RANBP3L: variants seen among roughly 807,000 people sequenced by gnomAD.
The protein encoded by RANBP3L is RAN binding protein 3 like, also known as ran-binding protein 3-like.
In RANBP3L, 56 loss-of-function variants were observed where a neutral mutation model predicts 67.2. The observed-to-expected ratio is 0.83, with a 90% CI of 0.67 to 1.04. The LOEUF (loss-of-function observed/expected upper bound fraction) is 1.04, where lower values mean the gene tolerates loss of function less well. RANBP3L is among the 50% of genes least tolerant of loss of function. The pLI is 0.00. For missense variants in RANBP3L, 496 were observed against 535.5 expected (o/e 0.93, Z 0.73); for synonymous variants, 164 against 181.4 (o/e 0.90, Z 0.77).
chr5:36,248,291 A>G lies in RANBP3L; in HGVS notation c.*1363T>C, dbSNP rs752855561. The G allele has an allele frequency of 6.6e-6, 1 of 152,176 alleles. No individual in the cohort carries two copies. The highest frequency in any genetic ancestry group is 1.5e-5 in the Non-Finnish European group (1 of 68,026). 9.4% of individuals were successfully genotyped at this position (152,176 alleles called of 1,614,324 possible). On this transcript the variant is annotated 3_prime_UTR_variant, in exon 14 of 14. Transcript: ENST00000296604. ...TATTTCTTCTAGAATCACTGGAAGAATGAATGGGCCTCTCTTAGTAGTTAT... is the reference window on the plus strand; with the variant it reads ...TATTTCTTCTAGAATCACTGGAAGAGTGAATGGGCCTCTCTTAGTAGTTAT...
intron 1 of RANBP3L, among the ~76,000 whole-genome samples, chr5:36,294,979 TAC>T (rs939305628): frequency 2.7e-5 from 4 of 150,648 alleles, no homozygotes; most frequent in African/African-American, 9.7e-5. Context: ...TACATATATA[TAC>T]ACACACATAT....
intron 1 of RANBP3L, among the ~76,000 whole-genome samples, chr5:36,299,653 T>C (rs1475562671): frequency 1.3e-5 from 2 of 152,126 alleles, no homozygotes; most frequent in Non-Finnish European, 2.9e-5. Flanking sequence ...AGTGCAAAGA[T>C]CTATTCATTA....
At chr5:36,283,575 T>C (rs980522964) in intron 1 of RANBP3L, among the ~76,000 whole-genome samples, 17 of 113,750 alleles carry the variant, frequency 1.5e-4, no homozygotes, top group African/African-American at 5.6e-4. Context: ...CACACACACA[T>C]CTTTATCTGC....
Position 36,276,170 on chromosome 5 carries a change from C to A in RANBP3L, c.92-4859G>T, listed in dbSNP as rs536755109. Among the ~76,000 whole-genome samples the A allele has an allele frequency of 3.3e-5, 5 of 152,246 alleles. No homozygotes were observed. In the South Asian group the frequency reaches 8.3e-4, roughly 25 times the overall value. On this transcript the variant is annotated intron_variant, in intron 1 of 13. Coordinates refer to ENST00000296604, the MANE Select transcript of RANBP3L (RefSeq NM_145000.5). ...GGAGTCACTGAGTTCAGAAAGCAAT[C>A]AAAACTTCCCCAGAATAACTGAAGA...
At chr5:36,283,393 A>G (rs2112030516) in intron 1 of RANBP3L, among the ~76,000 whole-genome samples, 1 of 88,076 alleles carries the variant, frequency 1.1e-5, no homozygotes, top group East Asian at 2.3e-4. Context: ...CAAAATGAAA[A>G]ATGTTACAAA....
intron 1 of RANBP3L, among the ~76,000 whole-genome samples, chr5:36,283,665 C>A (rs1418883612): frequency 1.3e-5 from 2 of 152,072 alleles, no homozygotes; most frequent in Non-Finnish European, 2.9e-5. Flanking sequence ...CATTCACAGA[C>A]TTTCCTCTTT....
At position 36,265,477 on chromosome 5, in the gene RANBP3L, A is replaced by G. The variant is rs952583610; in HGVS notation, c.312T>C (p.Ser104=). 49 of 1,605,714 alleles carry G rather than the reference A, an allele frequency of 3.1e-5. No individual in the cohort carries two copies. The East Asian group carries it at 9.8e-4, about 32-fold the overall frequency. The change falls in exon 5 of 14, where the codon AGT becomes AGC. Residue 104 remains serine (S), a synonymous_variant. Transcript: ENST00000296604. ...NVFMTSALVQ[S]SVDIKSAEQG... ...GTTCAGCACTCTTTATATCAACACT[A>G]CTTTGCACAAGAGCTGATGTCATAA...
chr5:36,295,890 C>T (rs1483245319), intron 1 of RANBP3L, among the ~76,000 whole-genome samples: 1 of 152,064 alleles, frequency 6.6e-6, no homozygotes, highest in Non-Finnish European at 1.5e-5. Flanking sequence ...AAATTTCAAA[C>T]CCACCCCATT....
intron 10 of RANBP3L, among the ~76,000 whole-genome samples, chr5:36,256,006 T>C (rs934715547): frequency 2.6e-5 from 4 of 152,136 alleles, no homozygotes; most frequent in African/African-American, 9.7e-5. Context: ...TGTCTATATA[T>C]ACATCAATTT....
chr5:36,255,392 G>A (rs997189190), intron 11 of RANBP3L, 78 bp downstream of exon 11: 163 of 1,358,530 alleles, frequency 1.2e-4, no homozygotes, highest in Non-Finnish European at 1.4e-5. Flanking sequence ...TCCAGAAAAT[G>A]ATGTGTACCT....
Position 36,249,540 on chromosome 5 carries a change from T to G in RANBP3L, c.*114A>C, listed in dbSNP as rs533045520. 1 of 503,206 alleles carries G rather than the reference T, an allele frequency of 2.0e-6. No individual in the cohort carries two copies. Among genetic ancestry groups the G allele is most frequent in the South Asian group, 4.8e-5 (1 of 21,018 alleles). The allele number at this position is 503,206 out of a possible 1,614,324, so 31.2% of individuals were successfully genotyped here. On this transcript the variant is annotated 3_prime_UTR_variant, in exon 14 of 14. Transcript: ENST00000296604. ...CAACAAATTACATTTCTTAAACTTT[T>G]CTATAAAAACTCTTCAAGGAATGAA... is the stretch of plus-strand genomic sequence containing the variant.
chr5:36,292,816 G>A (rs964652041), intron 1 of RANBP3L, among the ~76,000 whole-genome samples: 2 of 152,222 alleles, frequency 1.3e-5, no homozygotes, highest in African/African-American at 4.8e-5. Context: ...TTGTAGGATA[G>A]TTTGAAGTCA....
Position 36,265,722 on chromosome 5 carries a change from T to C in RANBP3L, c.269-202A>G, listed in dbSNP as rs190592106. ...GCGCGGTGGCTCGCGCCTGTAATCC[T>C]AGCACTTTGGGAGGCCAAGGCGGGT... On this transcript the variant is annotated intron_variant, in intron 4 of 13. Transcript: ENST00000296604. Among the ~76,000 whole-genome samples, 548 of 152,088 alleles carry C rather than the reference T, an allele frequency of 3.6e-3. 2 individuals carry two copies. Among genetic ancestry groups the C allele is most frequent in the Middle Eastern group, 0.02 (6 of 294 alleles).
rs547327950 is a variant in RANBP3L, at chr5:36,295,466, A to G, written c.91+5860T>C. Among the ~76,000 whole-genome samples, 348 of 152,130 alleles carry G rather than the reference A, an allele frequency of 2.3e-3. 5 individuals are homozygous for G. The highest frequency in any genetic ancestry group is 3.5e-3 in the Non-Finnish European group (241 of 67,972). On this transcript the variant is annotated intron_variant, in intron 1 of 13. Transcript: ENST00000296604. ...CTTCTGCCATGATCATAAGTTTCCT[A>G]AGGCCTCCCCAGCCCTGTGGAACTG... is the stretch of plus-strand genomic sequence containing the variant.
At chr5:36,254,727 A>G (rs1046177898) in intron 11 of RANBP3L, among the ~76,000 whole-genome samples, 1 of 152,084 alleles carries the variant, frequency 6.6e-6, no homozygotes, top group African/African-American at 2.4e-5. Flanking sequence ...TCCAGTGTCT[A>G]CCTGTGGTCT....
intron 1 of RANBP3L, among the ~76,000 whole-genome samples, chr5:36,276,568 C>T (rs1466145915): frequency 6.6e-6 from 1 of 152,094 alleles, no homozygotes; most frequent in African/African-American, 2.4e-5. Context: ...ATTATACTAT[C>T]ACAATCAATG....
rs752210497 is a variant in RANBP3L at position 36,255,602 on chromosome 5, T to C, written c.904-12A>G. On this transcript the variant is annotated splice_polypyrimidine_tract_variant and intron_variant, in intron 10 of 13. Coordinates refer to ENST00000296604, the MANE Select transcript of RANBP3L (RefSeq NM_145000.5). ...AGCTTGCAGTTTATCTAAATGACAA[T>C]TTTTTAAAATGTCAAATATATAGAA... The C allele has an allele frequency of 1.3e-6, 2 of 1,591,954 alleles. No individual in the cohort carries two copies. Among genetic ancestry groups the C allele is most frequent in the Admixed American group, 3.5e-5 (2 of 57,510 alleles).
chr5:36,266,450 A>G (rs902639580), intron 4 of RANBP3L, among the ~76,000 whole-genome samples: 5 of 152,202 alleles, frequency 3.3e-5, no homozygotes, highest in African/African-American at 1.2e-4. Flanking sequence ...AGTATTCTTT[A>G]AGGTGTTATA....
At chr5:36,300,255 A>G (rs1752522437) in intron 1 of RANBP3L, among the ~76,000 whole-genome samples, 1 of 152,216 alleles carries the variant, frequency 6.6e-6, no homozygotes, top group African/African-American at 2.4e-5. Flanking sequence ...TTTGAGCACT[A>G]GTAGTAAAGC....
Sources: gnomAD v4.1 joint callset for allele counts (sites outside exome capture counted in the v4.1 genomes callset) on GRCh38, gnomAD v4.1.1 for gene constraint, MANE v1.5 for transcripts, NCBI Gene and HGNC (gene_info 2026-07-23, HGNC 2026-07-21) for gene names.